Variants in TENM1 observed in about 807,000 individuals in gnomAD.
TENM1 encodes teneurin transmembrane protein 1.
Under a neutral mutation model 174.8 loss-of-function variants are expected in TENM1, and 35 were observed. The observed-to-expected ratio is 0.20, with a 90% CI of 0.15 to 0.27. The LOEUF (loss-of-function observed/expected upper bound fraction) is 0.27. Ranked by LOEUF, TENM1 falls within the 10% of genes least tolerant of loss-of-function variation. The pLI is 1.00. For missense variants in TENM1, 1,633 were observed against 2,130.1 expected (o/e 0.77, Z 4.59); for synonymous variants, 781 against 798.7 (o/e 0.98, Z 0.37).
At chrX:124,827,478 A>C (rs1436723981) in intron 3 of TENM1, among the ~76,000 whole-genome samples, 1 of 112,319 alleles carries the variant, frequency 8.9e-6, no homozygotes, top group Non-Finnish European at 1.9e-5. Flanking sequence ...TTCTCATGCT[A>C]AACCTGGCAG....
intron 3 of TENM1, among the ~76,000 whole-genome samples, chrX:124,879,030 T>G (rs1048908081): frequency 8.9e-6 from 1 of 112,325 alleles, no homozygotes; most frequent in African/African-American, 3.2e-5. Flanking sequence ...ATGGGATACA[T>G]GTGATATGTT....
chrX:124,619,422 T>A (rs1049788235), intron 11 of TENM1, among the ~76,000 whole-genome samples: 1 of 112,227 alleles, frequency 8.9e-6, no homozygotes, highest in Admixed American at 9.4e-5. Flanking sequence ...ACTTGTTCTT[T>A]TAGACTGTTA....
rs746598628 is a variant in TENM1, at chrX:124,903,071, C to T, written c.218-6830G>A. Reference sequence around the variant, plus strand: ...AATGCTCCCATGTGCAAGACTGGAGCCTGTGGTTATAAGATGACTTAAATA... The same window carrying T: ...AATGCTCCCATGTGCAAGACTGGAGTCTGTGGTTATAAGATGACTTAAATA... On this transcript the variant is annotated intron_variant, in intron 1 of 31. Coordinates refer to ENST00000422452, the Ensembl canonical transcript of TENM1. 3.5e-3 allele frequency among the ~76,000 whole-genome samples: 394 copies of T among 111,663 alleles called. 2 individuals are homozygous for T. The highest frequency in any genetic ancestry group is 0.012 in the African/African-American group (369 of 30,710).
At chrX:125,136,507 G>A in the TENM1 span, among the ~76,000 whole-genome samples, 5 of 111,795 alleles carry the variant, frequency 4.5e-5, no homozygotes, top group Admixed American at 9.6e-5. Flanking sequence ...ACGTGCTGCA[G>A]GTCACAAAGT....
the TENM1 span, among the ~76,000 whole-genome samples, chrX:125,164,060 T>A: frequency 8.9e-6 from 1 of 111,959 alleles, no homozygotes; most frequent in Non-Finnish European, 1.9e-5. Context: ...CACATAGTGC[T>A]TATGTAATAA....
rs1033917226 is a variant in TENM1, at chrX:124,639,795, C to G, written c.2077+1996G>C. Among the ~76,000 whole-genome samples, 5 of 111,345 alleles carry G rather than the reference C, an allele frequency of 4.5e-5. No individual in the cohort carries two copies. The South Asian group carries it at 1.9e-3, about 42-fold the overall frequency. The stretch of plus-strand genomic sequence containing the variant: ...ATATTATCATTTTTAACTTAAAGCT[C>G]TAAGCCATGATAGTGTATCTGAAAC... On this transcript the variant is annotated intron_variant, in intron 11 of 31. Transcript: ENST00000422452.
the TENM1 span, among the ~76,000 whole-genome samples, chrX:125,115,580 C>T: frequency 9.0e-6 from 1 of 111,181 alleles, no homozygotes; most frequent in African/African-American, 3.3e-5. Context: ...CCACAGCATT[C>T]CAATACACCA....
intron 3 of TENM1, among the ~76,000 whole-genome samples, chrX:124,838,609 A>G (rs1273091693): frequency 1.8e-5 from 2 of 111,146 alleles, no homozygotes; most frequent in African/African-American, 6.5e-5. Context: ...AGAGACTCCA[A>G]TGTCCAATAC....
chrX:125,014,290 GT>G, the TENM1 span, among the ~76,000 whole-genome samples: 2 of 112,451 alleles, frequency 1.8e-5, no homozygotes, highest in African/African-American at 6.4e-5. Context: ...ATATTATAAT[GT>G]AACAATTGTG....
At chrX:124,873,403 A>G (rs2057142974) in intron 3 of TENM1, among the ~76,000 whole-genome samples, 1 of 111,995 alleles carries the variant, frequency 8.9e-6, no homozygotes, top group Non-Finnish European at 1.9e-5. Context: ...CACAGTGGAC[A>G]TCATCATTTT....
the TENM1 span, among the ~76,000 whole-genome samples, chrX:125,011,554 A>G: frequency 8.9e-6 from 1 of 112,196 alleles, no homozygotes; most frequent in Non-Finnish European, 1.9e-5. Flanking sequence ...AAAAGAAGAC[A>G]TTTATGTTGC....
At chrX:124,882,696 C>T (rs909492056) in intron 3 of TENM1, among the ~76,000 whole-genome samples, 1 of 111,881 alleles carries the variant, frequency 8.9e-6, no homozygotes, top group African/African-American at 3.2e-5. Context: ...TAATGTGATG[C>T]CTCCAGCTTC....
chrX:125,024,366 G>GCACA, the TENM1 span, among the ~76,000 whole-genome samples: 2 of 103,305 alleles, frequency 1.9e-5, no homozygotes, highest in East Asian at 3.0e-4. Flanking sequence ...ACATACATAT[G>GCACA]CACACACACA....
At chrX:124,889,832 C>T (rs943054972) in intron 3 of TENM1, among the ~76,000 whole-genome samples, 4 of 111,561 alleles carry the variant, frequency 3.6e-5, no homozygotes, top group Admixed American at 1.9e-4. Context: ...ACTACAGTCA[C>T]CTTGTATTCT....
At chrX:125,107,984 T>C in the TENM1 span, among the ~76,000 whole-genome samples, 1 of 112,044 alleles carries the variant, frequency 8.9e-6, no homozygotes, top group East Asian at 2.8e-4. Context: ...GTGACTACCT[T>C]CAGTCCATTT....
At chrX:124,860,409 A>G (rs989908330) in intron 3 of TENM1, among the ~76,000 whole-genome samples, 5 of 112,014 alleles carry the variant, frequency 4.5e-5, no homozygotes, top group Non-Finnish European at 7.5e-5. Context: ...TTGAACTGGC[A>G]TAAAGAAGGA....
At chrX:124,763,270 C>A (rs991848143) in intron 3 of TENM1, among the ~76,000 whole-genome samples, 3 of 110,956 alleles carry the variant, frequency 2.7e-5, no homozygotes, top group Non-Finnish European at 5.7e-5. Flanking sequence ...GTGGCTTGGG[C>A]AATGGTACGA....
intron 11 of TENM1, among the ~76,000 whole-genome samples, chrX:124,575,609 A>G (rs896382636): frequency 2.7e-5 from 3 of 112,076 alleles, no homozygotes; most frequent in Non-Finnish European, 1.9e-5. Flanking sequence ...TGACTGTCAC[A>G]TGGTTTTGGA....
chrX:124,946,086 G>A (rs1465349490), intron 1 of TENM1, among the ~76,000 whole-genome samples: 2 of 112,095 alleles, frequency 1.8e-5, no homozygotes, highest in African/African-American at 6.5e-5. Context: ...CAGAATGGCT[G>A]AGTGGGTTGC....
Sources: allele counts gnomAD v4.1 joint callset (sites outside exome capture counted in the v4.1 genomes callset), GRCh38; gene constraint gnomAD v4.1.1; transcripts MANE v1.5; gene names NCBI Gene and HGNC (gene_info 2026-07-23, HGNC 2026-07-21).